C12orf54: variants seen among roughly 807,000 people sequenced by gnomAD.
C12orf54 encodes uncharacterized protein C12orf54.
In C12orf54, 24 loss-of-function variants were observed where a neutral mutation model predicts 26.4. That is an observed-to-expected ratio of 0.91 (90% CI 0.66 to 1.28). The LOEUF is 1.28. Among genes scored for constraint, C12orf54 ranks in the 50% most tolerant of loss-of-function variants. The pLI is 0.00. For synonymous variants in C12orf54, 54 were observed against 47.0 expected (o/e 1.15, Z -0.61); for missense variants, 154 against 150.9 (o/e 1.02, Z -0.11).
intron 5 of C12orf54, among the ~76,000 whole-genome samples, chr12:48,490,495 A>G (rs2137094104): frequency 6.6e-6 from 1 of 152,274 alleles, no homozygotes; most frequent in East Asian, 1.9e-4. Context: ...TCTACTAAAA[A>G]TGCAAAAATT....
At chr12:48,488,780 G>T in intron 4 of C12orf54, 144 bp from the exon 5 acceptor site, 3 of 698,980 alleles carry the variant, frequency 4.3e-6, no homozygotes, top group South Asian at 3.5e-5. Flanking sequence ...TATTGCTAGC[G>T]CTACAAAGCC....
the C12orf54 span, among the ~76,000 whole-genome samples, chr12:48,464,540 T>A: frequency 6.6e-6 from 1 of 152,066 alleles, no homozygotes; most frequent in Non-Finnish European, 1.5e-5. Flanking sequence ...AAACTTCCAA[T>A]GACATTCTTC....
At chr12:48,455,476 A>G in the C12orf54 span, among the ~76,000 whole-genome samples, 16 of 152,318 alleles carry the variant, frequency 1.1e-4, no homozygotes, top group Non-Finnish European at 2.1e-4. Context: ...CACCAAACCC[A>G]TGGCTTGGGA....
At chr12:48,472,629 G>A in the C12orf54 span, 234 of 1,610,952 alleles carry the variant, frequency 1.5e-4, no homozygotes, top group Middle Eastern at 3.3e-4. Context: ...GTTGAATTCC[G>A]CTGGCTCAGG....
At chr12:48,421,593 G>A in the C12orf54 span, among the ~76,000 whole-genome samples, 26 of 131,034 alleles carry the variant, frequency 2.0e-4, no homozygotes, top group South Asian at 1.3e-3. Context: ...GCAGTGGCAC[G>A]ATCTCAGCTC....
At chr12:48,484,549 GAA>G (rs1360461010) in intron 2 of C12orf54, among the ~76,000 whole-genome samples, 1 of 152,234 alleles carries the variant, frequency 6.6e-6, no homozygotes, top group Admixed American at 6.5e-5. Context: ...AAGAACATTT[GAA>G]AAAACTTAAC....
chr12:48,441,451 A>G, the C12orf54 span, among the ~76,000 whole-genome samples: 10 of 152,158 alleles, frequency 6.6e-5, no homozygotes, highest in South Asian at 1.7e-3. Context: ...CGACCAAAAG[A>G]GGCCGTCTTA....
the C12orf54 span, chr12:48,473,744 T>C: frequency 5.7e-6 from 1 of 174,690 alleles, no homozygotes; most frequent in Non-Finnish European, 1.2e-5. Context: ...CTCTTATGTT[T>C]CCTGGTATTT....
At chr12:48,488,791 A>G in intron 4 of C12orf54, 133 bp from the exon 5 acceptor site, 3 of 742,418 alleles carry the variant, frequency 4.0e-6, no homozygotes, top group Non-Finnish European at 6.8e-6. Context: ...CTACAAAGCC[A>G]CAGTCTCTTG....
intron 5 of C12orf54, among the ~76,000 whole-genome samples, chr12:48,489,702 G>A (rs556288206): frequency 1.2e-3 from 175 of 149,622 alleles, no homozygotes; most frequent in South Asian, 2.1e-3. Context: ...CAGGCATGAG[G>A]CATTGCGCCC....
chr12:48,421,282 A>G, the C12orf54 span, among the ~76,000 whole-genome samples: 301 of 152,202 alleles, frequency 2.0e-3, no homozygotes, highest in African/African-American at 6.6e-3. Flanking sequence ...CGTGGGAGCA[A>G]GTGTCTTACA....
rs1042430501 is a variant in C12orf54 at position 48,486,413 on chromosome 12, G to A, written c.96+205G>A. On this transcript the variant is annotated intron_variant, in intron 3 of 8. Coordinates refer to ENST00000548364, the MANE Select transcript of C12orf54 (RefSeq NM_152319.4). ...CACCACTTCACCAGATGACTAAAGG[G>A]GCAGGCAGGCTTACAGGCATTGAAA... The A allele has an allele frequency of 3.7e-5, 23 of 628,788 alleles. No homozygotes were observed. The African/African-American group carries it at 3.7e-4, about 10-fold the overall frequency. 39.0% of individuals were successfully genotyped at this position (628,788 alleles called of 1,614,324 possible).
At chr12:48,445,428 T>C in the C12orf54 span, among the ~76,000 whole-genome samples, 1 of 152,322 alleles carries the variant, frequency 6.6e-6, no homozygotes, top group East Asian at 1.9e-4. Context: ...TCAGAGTATA[T>C]AATTATAGGG....
chr12:48,461,038 A>G, the C12orf54 span, among the ~76,000 whole-genome samples: 4 of 152,066 alleles, frequency 2.6e-5, no homozygotes, highest in South Asian at 8.3e-4. Flanking sequence ...CACTTTAAAT[A>G]TAATACCACA....
the C12orf54 span, among the ~76,000 whole-genome samples, chr12:48,461,915 A>T: frequency 6.6e-6 from 1 of 151,748 alleles, no homozygotes; most frequent in Non-Finnish European, 1.5e-5. Flanking sequence ...ATAGAAAAAG[A>T]GAAATTAGTG....
At chr12:48,433,459 G>C in the C12orf54 span, among the ~76,000 whole-genome samples, 8 of 130,080 alleles carry the variant, frequency 6.2e-5, no homozygotes, top group African/African-American at 1.0e-4. Flanking sequence ...TTTTTTTGGG[G>C]GGGGGGGGGG....
chr12:48,448,660 TC>T, the C12orf54 span, among the ~76,000 whole-genome samples: 1 of 152,262 alleles, frequency 6.6e-6, no homozygotes, highest in Non-Finnish European at 1.5e-5. Context: ...TTATTTTATT[TC>T]CTTGTCATAT....
At chr12:48,435,968 T>A in the C12orf54 span, among the ~76,000 whole-genome samples, 1 of 152,148 alleles carries the variant, frequency 6.6e-6, no homozygotes, top group Non-Finnish European at 1.5e-5. Context: ...ACTGGCAAAT[T>A]GGATAAAGAG....
At chr12:48,435,260 G>A in the C12orf54 span, among the ~76,000 whole-genome samples, 1 of 152,208 alleles carries the variant, frequency 6.6e-6, no homozygotes, top group South Asian at 2.1e-4. Context: ...ATGGGACTAT[G>A]TGAAAAGACC....
Sources: gnomAD v4.1 joint callset for allele counts (sites outside exome capture counted in the v4.1 genomes callset) on GRCh38, gnomAD v4.1.1 for gene constraint, MANE v1.5 for transcripts, NCBI Gene and HGNC (gene_info 2026-07-23, HGNC 2026-07-21) for gene names.